Variants in DLC1 observed in about 807,000 individuals in gnomAD.
The protein encoded by DLC1 is DLC1 Rho GTPase activating protein.
In DLC1, 54 loss-of-function variants were observed where a neutral mutation model predicts 140.3. The ratio of observed to expected loss-of-function variants is 0.38; its 90% CI spans 0.31 to 0.48. DLC1 has a LOEUF of 0.48. Among genes scored for constraint, DLC1 ranks in the 20% least tolerant of loss-of-function variants. The pLI is 0.96. For synonymous variants in DLC1, 986 were observed against 728.1 expected (o/e 1.35, Z -5.70); for missense variants, 2,536 against 1,907.0 (o/e 1.33, Z -6.14).
chr8:13,531,595 AC>A (rs143747121), intron 1 of DLC1, among the ~76,000 whole-genome samples: 7,261 of 152,052 alleles, frequency 0.048, 564 homozygotes, highest in African/African-American at 0.16. Context: ...AAACAAACAA[AC>A]CAAAAAACCC....
intron 1 of DLC1, among the ~76,000 whole-genome samples, chr8:13,573,921 C>G (rs1403925108): frequency 6.6e-6 from 1 of 152,196 alleles, no homozygotes; most frequent in African/African-American, 2.4e-5. Flanking sequence ...GTGAGCAACG[C>G]AAGTGTAGAG....
chr8:13,573,254 T>C (rs1804728322), intron 1 of DLC1, among the ~76,000 whole-genome samples: 1 of 152,180 alleles, frequency 6.6e-6, no homozygotes, highest in African/African-American at 2.4e-5. Flanking sequence ...AAAAAATTCT[T>C]TTTGGATTGT....
rs916677353 is a variant in DLC1, at chr8:13,094,696, A to G, written c.3526+63T>C. 4.4e-6 allele frequency: 7 copies of G among 1,588,884 alleles called. No homozygotes were observed. In the Admixed American group the frequency reaches 1.0e-4, roughly 23 times the overall value. On this transcript the variant is annotated intron_variant, in intron 12 of 17. Transcript: ENST00000276297. ...AAAAAAGAATGCTATCAAGGAAGCT[A>G]CAAGCTTCAGTTGGTCCCATTTTTC... is the stretch of plus-strand genomic sequence containing the variant.
At chr8:13,504,121 A>T (rs1451329231) in intron 1 of DLC1, among the ~76,000 whole-genome samples, 1 of 126,450 alleles carries the variant, frequency 7.9e-6, no homozygotes. Flanking sequence ...ATTTCAGAGA[A>T]TTTTTTTTTT....
chr8:13,219,836 A>T (rs1344804281), intron 5 of DLC1, among the ~76,000 whole-genome samples: 2 of 152,178 alleles, frequency 1.3e-5, no homozygotes, highest in Non-Finnish European at 2.9e-5. Context: ...ATTATTATTC[A>T]GCTGTAAAAA....
intron 5 of DLC1, chr8:13,133,252 G>T: frequency 7.3e-7 from 1 of 1,361,480 alleles, no homozygotes. Flanking sequence ...GTCCTGGCTG[G>T]GAGCGAAGCG....
intron 1 of DLC1, among the ~76,000 whole-genome samples, chr8:13,576,780 G>A (rs374899789): frequency 2.0e-5 from 3 of 152,148 alleles, no homozygotes; most frequent in East Asian, 1.9e-4. Context: ...AAAGTTGGAC[G>A]TGGTTAAAGC....
At chr8:13,485,203 A>G (rs1161624942) in intron 2 of DLC1, among the ~76,000 whole-genome samples, 2 of 152,190 alleles carry the variant, frequency 1.3e-5, no homozygotes, top group Admixed American at 1.3e-4. Context: ...TTTCTCCTAC[A>G]TAGAGACTGA....
rs199913730 is a variant in DLC1, at chr8:13,499,752, A to T, written c.320T>A (p.Leu107Gln). ...GTTATCCTCATCAGAAACATGCACTAGTGTTTCTGTGCTGGCTTCCAGAGA... is the reference window on the plus strand; with the variant it reads ...GTTATCCTCATCAGAAACATGCACTTGTGTTTCTGTGCTGGCTTCCAGAGA... ...FLSLEASTET[L>Q]VHVSDEDNNA... is the part of the protein sequence containing the mutation. The change falls in exon 2 of 18, where the codon CTA (leucine) becomes CAA (glutamine). Residue 107 changes from leucine (L) to glutamine (Q), a missense_variant. Transcript: ENST00000276297. 7 of 1,614,102 alleles carry T rather than the reference A, an allele frequency of 4.3e-6. No individual in the cohort carries two copies. In the East Asian group the frequency reaches 8.9e-5, roughly 21 times the overall value.
At chr8:13,204,121 T>C (rs907382861) in intron 5 of DLC1, among the ~76,000 whole-genome samples, 8 of 152,174 alleles carry the variant, frequency 5.3e-5, no homozygotes, top group Non-Finnish European at 1.0e-4. Flanking sequence ...GAAAAAAGAC[T>C]GTTCTGTTAA....
At chr8:13,179,549 T>G (rs1042922398) in intron 5 of DLC1, among the ~76,000 whole-genome samples, 8 of 151,944 alleles carry the variant, frequency 5.3e-5, no homozygotes, top group African/African-American at 1.9e-4. Context: ...GGAGAAACCC[T>G]GCCTCAACAA....
At chr8:13,370,509 A>G (rs1835681140) in intron 4 of DLC1, among the ~76,000 whole-genome samples, 1 of 152,130 alleles carries the variant, frequency 6.6e-6, no homozygotes, top group Non-Finnish European at 1.5e-5. Context: ...AGCTCCACAC[A>G]GAGATATTTA....
chr8:13,408,291 A>G lies in DLC1; in HGVS notation c.1024-6672T>C, dbSNP rs187772905. Reference sequence around the variant, plus strand: ...ATGGATAGATAATATTGTTATTTAAAGTTGCAACAAGCAATCTTTTAACTG... The same window carrying G: ...ATGGATAGATAATATTGTTATTTAAGGTTGCAACAAGCAATCTTTTAACTG... On this transcript the variant is annotated intron_variant, in intron 2 of 17. Coordinates refer to ENST00000276297, the MANE Select transcript of DLC1 (RefSeq NM_182643.3). Among the ~76,000 whole-genome samples the G allele has an allele frequency of 1.3e-3, 195 of 152,344 alleles. 2 individuals are homozygous for G. The highest frequency in any genetic ancestry group is 0.012 in the East Asian group (64 of 5,194).
chr8:13,234,665 T>A (rs1015308931), intron 5 of DLC1, among the ~76,000 whole-genome samples: 1 of 151,926 alleles, frequency 6.6e-6, no homozygotes, highest in Non-Finnish European at 1.5e-5. Context: ...TGTCTAGGGT[T>A]CTACTTGAGA....
intron 4 of DLC1, among the ~76,000 whole-genome samples, chr8:13,360,385 A>G (rs1835166069): frequency 6.6e-6 from 1 of 152,190 alleles, no homozygotes; most frequent in Non-Finnish European, 1.5e-5. Flanking sequence ...TGGTATTATA[A>G]AAGCCCCCCA....
intron 2 of DLC1, among the ~76,000 whole-genome samples, chr8:13,478,798 A>G (rs1442374048): frequency 1.3e-5 from 2 of 152,208 alleles, no homozygotes; most frequent in African/African-American, 4.8e-5. Context: ...TATAGCAATT[A>G]TTGAATTTTT....
At chr8:13,455,627 C>G (rs901051864) in intron 2 of DLC1, among the ~76,000 whole-genome samples, 1 of 152,228 alleles carries the variant, frequency 6.6e-6, no homozygotes, top group African/African-American at 2.4e-5. Flanking sequence ...GTGAATTCTT[C>G]TCTGGCCACC....
At chr8:13,421,469 C>G (rs1388510983) in intron 2 of DLC1, among the ~76,000 whole-genome samples, 2 of 152,032 alleles carry the variant, frequency 1.3e-5, no homozygotes, top group African/African-American at 2.4e-5. Flanking sequence ...TGACCTGAGT[C>G]CATGGGTGAG....
intron 4 of DLC1, among the ~76,000 whole-genome samples, chr8:13,349,920 G>A (rs75451261): frequency 0.014 from 2,086 of 152,266 alleles, 55 homozygotes; most frequent in African/African-American, 0.047. Context: ...AGCTGCATAT[G>A]GACTCTCTCT....
Sources: gnomAD v4.1 joint callset for allele counts (sites outside exome capture counted in the v4.1 genomes callset) on GRCh38, gnomAD v4.1.1 for gene constraint, MANE v1.5 for transcripts, NCBI Gene and HGNC (gene_info 2026-07-23, HGNC 2026-07-21) for gene names.